BRIP1: variants seen among roughly 807,000 people sequenced by gnomAD.
BRIP1 encodes the protein BRCA1 interacting DNA helicase 1.
Under a neutral mutation model 119.7 loss-of-function variants are expected in BRIP1, and 88 were observed. The ratio of observed to expected loss-of-function variants is 0.74; its 90% CI spans 0.62 to 0.88. The LOEUF (loss-of-function observed/expected upper bound fraction) is 0.88, where lower values mean the gene tolerates loss of function less well. BRIP1 is among the 40% of genes least tolerant of loss of function. BRIP1 has a pLI of 0.00. For missense variants in BRIP1, 1,259 were observed against 1,455.4 expected (o/e 0.87, Z 2.20); for synonymous variants, 443 against 496.5 (o/e 0.89, Z 1.43).
Position 61,796,014 on chromosome 17 carries a change from G to C in BRIP1, c.1341-2285C>G, listed in dbSNP as rs1220814565. Among the ~76,000 whole-genome samples the C allele has an allele frequency of 6.6e-6, 1 of 152,038 alleles. No individual in the cohort carries two copies. The highest frequency in any genetic ancestry group is 1.9e-4 in the East Asian group (1 of 5,194). ...CAGAGAAATGCTGATCAATGATGTT[G>C]AGCACTTTTCATATGTCTGATTGCC... On this transcript the variant is annotated intron_variant, in intron 9 of 19. Transcript: ENST00000259008. This position sits in a 1 kb window ranked among gnomAD's most constrained non-coding sequence, Gnocchi z 4.8.
intron 6 of BRIP1, among the ~76,000 whole-genome samples, chr17:61,839,178 C>A (rs1001187487): frequency 6.6e-6 from 1 of 151,918 alleles, no homozygotes; most frequent in African/African-American, 2.4e-5. Context: ...AATAATTAGT[C>A]CTTGTTCTCT....
intron 4 of BRIP1, among the ~76,000 whole-genome samples, chr17:61,850,980 C>A (rs1171590088): frequency 6.6e-6 from 1 of 152,150 alleles, no homozygotes; most frequent in African/African-American, 2.4e-5. Flanking sequence ...GTAATCCCAG[C>A]ACTTTGGGAG....
At chr17:61,707,720 A>G (rs1296472105) in intron 17 of BRIP1, among the ~76,000 whole-genome samples, 1 of 151,998 alleles carries the variant, frequency 6.6e-6, no homozygotes, top group African/African-American at 2.4e-5. Context: ...GTACATCTCT[A>G]TGGATATTAA....
chr17:61,808,801 T>C lies in BRIP1; in HGVS notation c.628-44A>G. On this transcript the variant is annotated intron_variant, in intron 6 of 19. Transcript: ENST00000259008. The surrounding 1 kb of genome is among the most constrained non-coding windows in gnomAD (Gnocchi z 4.1). ...ACGATAACTAATATCTAAACTACCA[T>C]AAAAAACGTTATCAAACCTCACATG... 5.1e-6 allele frequency: 8 copies of C among 1,573,334 alleles called. No homozygotes were observed. Among genetic ancestry groups the C allele is most frequent in the Non-Finnish European group, 6.9e-6 (8 of 1,153,196 alleles).
chr17:61,723,980 T>C (rs1401037090), intron 16 of BRIP1, among the ~76,000 whole-genome samples: 1 of 152,152 alleles, frequency 6.6e-6, no homozygotes, highest in Admixed American at 6.5e-5. Context: ...TTAATTCATG[T>C]AGCTGCTTGA....
Position 61,743,912 on chromosome 17 carries a change from C to A in BRIP1, c.2257+520G>T, listed in dbSNP as rs188067832. Among the ~76,000 whole-genome samples, 1 of 152,258 alleles carries A rather than the reference C, an allele frequency of 6.6e-6. No homozygotes were observed. Among genetic ancestry groups the A allele is most frequent in the African/African-American group, 2.4e-5 (1 of 41,524 alleles). On this transcript the variant is annotated intron_variant, in intron 15 of 19. Transcript: ENST00000259008. The surrounding 1 kb of genome is among the most constrained non-coding windows in gnomAD (Gnocchi z 4.3). ...ATGTTGCCCAGGCTGGTCTCGAACT[C>A]CTGGGCTCAAGTGATCCACCCGCCT...
At position 61,813,792 on chromosome 17, in the gene BRIP1, G is replaced by A. The variant is rs186671184; in HGVS notation, c.628-5035C>T. 1.5e-3 allele frequency among the ~76,000 whole-genome samples: 221 copies of A among 151,844 alleles called. 1 individual carries two copies. The highest frequency in any genetic ancestry group is 0.014 in the Middle Eastern group (4 of 294). ...TTGGAATCCCTATATATCAAGCCACGGAGAAGACAATGACAAGGATCACCT... is the reference window on the plus strand; with the variant it reads ...TTGGAATCCCTATATATCAAGCCACAGAGAAGACAATGACAAGGATCACCT... On this transcript the variant is annotated intron_variant, in intron 6 of 19. Transcript: ENST00000259008.
chr17:61,776,163 T>C lies in BRIP1; in HGVS notation c.2097+238A>G, dbSNP rs2077529234. ...TCCCAACCTGCTGGGATTACAAGCA[T>C]GAGCCACCACGTCCAGCCTTGCTCT... On this transcript the variant is annotated intron_variant, in intron 14 of 19. Coordinates refer to ENST00000259008, the MANE Select transcript of BRIP1 (RefSeq NM_032043.3). This position sits in a 1 kb window ranked among gnomAD's most constrained non-coding sequence, Gnocchi z 5.0. 2 of 481,936 alleles carry C rather than the reference T, an allele frequency of 4.1e-6. No individual in the cohort carries two copies. The highest frequency in any genetic ancestry group is 7.5e-6 in the Non-Finnish European group (2 of 268,456). 29.9% of individuals were successfully genotyped at this position (481,936 alleles called of 1,614,324 possible). A position where few individuals can be genotyped will look rare whatever the true frequency, so the allele number is the denominator to read the frequency against.
Position 61,717,751 on chromosome 17 carries a change from A to G in BRIP1, c.2380-1688T>C, listed in dbSNP as rs149604930. On this transcript the variant is annotated intron_variant, in intron 16 of 19. Coordinates refer to ENST00000259008, the MANE Select transcript of BRIP1 (RefSeq NM_032043.3). This position sits in a 1 kb window ranked among gnomAD's most constrained non-coding sequence, Gnocchi z 4.1. ...AAAAATTTTCAGCCATTATTTCTCT[A>G]AATATATATATTATTCTGCCTCGAA... is the stretch of plus-strand genomic sequence containing the variant. 6.4e-3 allele frequency among the ~76,000 whole-genome samples: 979 copies of G among 152,152 alleles called. 13 individuals are homozygous for G. Among genetic ancestry groups the G allele is most frequent in the African/African-American group, 0.022 (917 of 41,526 alleles).
intron 6 of BRIP1, among the ~76,000 whole-genome samples, chr17:61,836,406 A>AT (rs1184376829): frequency 6.6e-6 from 1 of 152,126 alleles, no homozygotes; most frequent in Non-Finnish European, 1.5e-5. Context: ...ATAAGCCATC[A>AT]TGCCTGGCCA....
chr17:61,788,904 G>A (rs1037818863), intron 10 of BRIP1, among the ~76,000 whole-genome samples: 2 of 152,036 alleles, frequency 1.3e-5, no homozygotes, highest in Admixed American at 6.6e-5. Context: ...GACCAGCCTG[G>A]GCAACATGAC....
chr17:61,763,866 T>A (rs555595041), intron 14 of BRIP1, among the ~76,000 whole-genome samples: 2 of 152,198 alleles, frequency 1.3e-5, no homozygotes, highest in South Asian at 4.2e-4. Flanking sequence ...ATTAAAGAGA[T>A]AAAGTAAGTA....
Position 61,744,559 on chromosome 17 carries a change from A to G in BRIP1, c.2130T>C (p.Ser710=), listed in dbSNP as rs1555591497. 1.2e-6 allele frequency: 2 copies of G among 1,613,812 alleles called. No homozygotes were observed. The highest frequency in any genetic ancestry group is 1.7e-6 in the Non-Finnish European group (2 of 1,179,776). The stretch of plus-strand genomic sequence containing the variant: ...ACTCCAGATTATGCCATAAACCAGT[A>G]GAGAGCCAACGTTCTTTTAATTTTT... ...LLEKLKERWL[S]TGLWHNLELV... is the part of the protein sequence containing the mutation. The change falls in exon 15 of 20, where the codon TCT becomes TCC. Residue 710 remains serine, a synonymous_variant. Transcript: ENST00000259008. The surrounding 1 kb of genome is among the most constrained non-coding windows in gnomAD (Gnocchi z 5.0).
At position 61,774,850 on chromosome 17, in the gene BRIP1, T is replaced by C. The variant is rs1456442613; in HGVS notation, c.2097+1551A>G. Among the ~76,000 whole-genome samples, 2 of 152,228 alleles carry C rather than the reference T, an allele frequency of 1.3e-5. No homozygotes were observed. Among genetic ancestry groups the C allele is most frequent in the African/African-American group, 4.8e-5 (2 of 41,470 alleles). ...CTAGTCACCCAATTATAAATGTCTG[T>C]AACTAAAATTCATACTGTCTGCTAT... On this transcript the variant is annotated intron_variant, in intron 14 of 19. Coordinates refer to ENST00000259008, the MANE Select transcript of BRIP1 (RefSeq NM_032043.3). The surrounding 1 kb of genome is among the most constrained non-coding windows in gnomAD (Gnocchi z 5.8).
rs936203113 is a variant in BRIP1 at position 61,708,605 on chromosome 17, T to A, written c.2492+7346A>T. ...TCTCAGAGTTCTTCTGCTGTGTTTT[T>A]GTTTGCTTTGTTGGACTTGTTTTGT... On this transcript the variant is annotated intron_variant, in intron 17 of 19. Transcript: ENST00000259008. This position sits in a 1 kb window ranked among gnomAD's most constrained non-coding sequence, Gnocchi z 4.4. Among the ~76,000 whole-genome samples, 4 of 152,216 alleles carry A rather than the reference T, an allele frequency of 2.6e-5. No individual in the cohort carries two copies. The highest frequency in any genetic ancestry group is 2.6e-4 in the Admixed American group (4 of 15,276).
intron 14 of BRIP1, among the ~76,000 whole-genome samples, chr17:61,772,980 GT>G (rs773602354): frequency 6.6e-6 from 1 of 151,838 alleles, no homozygotes; most frequent in Non-Finnish European, 1.5e-5. Context: ...GGGAGCTGTT[GT>G]TTTTTCATTA....
In BRIP1 at chr17:61,780,557, G is replaced by C. The variant is rs35287659; in HGVS notation, c.1795-156C>G. Among the ~76,000 whole-genome samples the C allele has an allele frequency of 2.0e-5, 3 of 151,898 alleles. No individual in the cohort carries two copies. Among genetic ancestry groups the C allele is most frequent in the Non-Finnish European group, 2.9e-5 (2 of 67,986 alleles). On this transcript the variant is annotated intron_variant, in intron 12 of 19. Coordinates refer to ENST00000259008, the MANE Select transcript of BRIP1 (RefSeq NM_032043.3). The surrounding 1 kb of genome is among the most constrained non-coding windows in gnomAD (Gnocchi z 5.4). ...AGCCTGGGCAATATGGTGAAACCCCGTCTCTACAAAAAATACAAAAATTAG... is the reference window on the plus strand; with the variant it reads ...AGCCTGGGCAATATGGTGAAACCCCCTCTCTACAAAAAATACAAAAATTAG...
chr17:61,818,389 C>A (rs1196138372), intron 6 of BRIP1, among the ~76,000 whole-genome samples: 1 of 152,158 alleles, frequency 6.6e-6, no homozygotes, highest in Non-Finnish European at 1.5e-5. Context: ...AAGACACTCT[C>A]AGGCATAGCA....
At position 61,752,358 on chromosome 17, in the gene BRIP1, T is replaced by A. The variant is rs185176735; in HGVS notation, c.2098-7767A>T. 6.6e-6 allele frequency among the ~76,000 whole-genome samples: 1 copy of A among 152,080 alleles called. No homozygotes were observed. The highest frequency in any genetic ancestry group is 6.6e-5 in the Admixed American group (1 of 15,264). ...AGAAAAAAAATGCAAACCTTGAGAATAAGATAAAAAAGAAACAGTACAAAC... is the reference window on the plus strand; with the variant it reads ...AGAAAAAAAATGCAAACCTTGAGAAAAAGATAAAAAAGAAACAGTACAAAC... On this transcript the variant is annotated intron_variant, in intron 14 of 19. Coordinates refer to ENST00000259008, the MANE Select transcript of BRIP1 (RefSeq NM_032043.3). The surrounding 1 kb of genome is among the most constrained non-coding windows in gnomAD (Gnocchi z 6.2).
Sources: allele counts gnomAD v4.1 joint callset (sites outside exome capture counted in the v4.1 genomes callset), GRCh38; gene constraint gnomAD v4.1.1; non-coding constraint Gnocchi (gnomAD v3.1); transcripts MANE v1.5; gene names NCBI Gene and HGNC (gene_info 2026-07-23, HGNC 2026-07-21).